Variants in PTPRR observed in about 807,000 individuals in gnomAD.
PTPRR encodes the protein receptor-type tyrosine-protein phosphatase R.
Under a neutral mutation model 77.2 loss-of-function variants are expected in PTPRR, and 38 were observed. That is an observed-to-expected ratio of 0.49 (90% CI 0.38 to 0.65). PTPRR has a LOEUF of 0.65. PTPRR is among the 30% of genes least tolerant of loss of function. The probability of loss-of-function intolerance (pLI) is 0.00; values close to 1 mark genes in which losing one functional copy is unlikely to be tolerated. For synonymous variants in PTPRR, 299 were observed against 283.1 expected, an observed-to-expected ratio of 1.06 and a Z score of -0.57; for missense variants, 744 against 799.2, an observed-to-expected ratio of 0.93 and a Z score of 0.83.
intron 2 of PTPRR, among the ~76,000 whole-genome samples, chr12:70,782,244 G>C (rs183361308): frequency 7.2e-5 from 11 of 152,020 alleles, no homozygotes; most frequent in Non-Finnish European, 1.0e-4. Context: ...AGATGTTGCA[G>C]GTAGGTGAGC....
intron 2 of PTPRR, among the ~76,000 whole-genome samples, chr12:70,875,776 T>C (rs1893041684): frequency 6.6e-6 from 1 of 152,054 alleles, no homozygotes; most frequent in African/African-American, 2.4e-5. Flanking sequence ...CTGTAACCCA[T>C]ATGGCAGACA....
chr12:70,871,333 A>G (rs1892955270), intron 2 of PTPRR, among the ~76,000 whole-genome samples: 1 of 151,950 alleles, frequency 6.6e-6, no homozygotes, highest in Non-Finnish European at 1.5e-5. Flanking sequence ...TCCACAAATC[A>G]CCCTTGCTCC....
chr12:70,804,636 T>C (rs1891677765), intron 2 of PTPRR, among the ~76,000 whole-genome samples: 1 of 152,128 alleles, frequency 6.6e-6, no homozygotes, highest in Non-Finnish European at 1.5e-5. Flanking sequence ...CCAATATCCA[T>C]ATGGCTCAAT....
At chr12:70,714,846 A>G (rs997214712) in intron 6 of PTPRR, among the ~76,000 whole-genome samples, 5 of 151,980 alleles carry the variant, frequency 3.3e-5, no homozygotes, top group Admixed American at 6.6e-5. Context: ...TTCGCTGGGC[A>G]TGGTGGTGTG....
intron 2 of PTPRR, among the ~76,000 whole-genome samples, chr12:70,842,992 A>C (rs1405074752): frequency 6.6e-6 from 1 of 152,246 alleles, no homozygotes; most frequent in Non-Finnish European, 1.5e-5. Flanking sequence ...AGATATCTTA[A>C]GAAGCTTGTT....
intron 2 of PTPRR, among the ~76,000 whole-genome samples, chr12:70,801,133 T>C (rs967339919): frequency 6.6e-6 from 1 of 152,224 alleles, no homozygotes; most frequent in African/African-American, 2.4e-5. Context: ...GTTATGACCC[T>C]GAATCTTCCT....
chr12:70,831,568 T>C (rs1326345594), intron 2 of PTPRR, among the ~76,000 whole-genome samples: 1 of 152,166 alleles, frequency 6.6e-6, no homozygotes, highest in Non-Finnish European at 1.5e-5. Context: ...CTGGCTTCAT[T>C]CTGGGTGAAG....
intron 10 of PTPRR, among the ~76,000 whole-genome samples, chr12:70,666,073 T>A (rs925137845): frequency 6.6e-6 from 1 of 152,160 alleles, no homozygotes; most frequent in Non-Finnish European, 1.5e-5. Context: ...ACCAACATCA[T>A]ATCATTTAGC....
At chr12:70,905,871 T>G (rs144329474) in intron 1 of PTPRR, among the ~76,000 whole-genome samples, 3,745 of 152,060 alleles carry the variant, frequency 0.025, 71 homozygotes, top group Non-Finnish European at 0.04. Context: ...TGTGTAATCA[T>G]TTTTTGAAAA....
intron 6 of PTPRR, among the ~76,000 whole-genome samples, chr12:70,720,148 G>A (rs1889192509): frequency 6.6e-6 from 1 of 152,152 alleles, no homozygotes; most frequent in Admixed American, 6.5e-5. Flanking sequence ...TGGAGAAGGT[G>A]GAAAAAGAAA....
intron 4 of PTPRR, among the ~76,000 whole-genome samples, chr12:70,757,086 C>T (rs1014372203): frequency 1.3e-5 from 2 of 152,126 alleles, no homozygotes; most frequent in Non-Finnish European, 2.9e-5. Flanking sequence ...TGTATGTCTC[C>T]TCAGCACTGT....
At chr12:70,858,239 ACT>A (rs1265761713) in intron 2 of PTPRR, among the ~76,000 whole-genome samples, 4 of 151,294 alleles carry the variant, frequency 2.6e-5, no homozygotes, top group Non-Finnish European at 5.9e-5. Flanking sequence ...TGGTCCAATG[ACT>A]CTTCCCACCT....
intron 6 of PTPRR, among the ~76,000 whole-genome samples, chr12:70,720,816 C>A (rs36107429): frequency 0.066 from 10,089 of 152,084 alleles, 457 homozygotes; most frequent in South Asian, 0.12. Context: ...TACCACTAGG[C>A]CCTAGGATAT....
intron 2 of PTPRR, among the ~76,000 whole-genome samples, chr12:70,878,307 A>G (rs1893088012): frequency 6.6e-6 from 1 of 152,240 alleles, no homozygotes; most frequent in South Asian, 2.1e-4. Context: ...ATCAGAGTGA[A>G]CAGGCAACCT....
intron 2 of PTPRR, among the ~76,000 whole-genome samples, chr12:70,804,299 T>C (rs1891671200): frequency 6.6e-6 from 1 of 152,126 alleles, no homozygotes; most frequent in Non-Finnish European, 1.5e-5. Flanking sequence ...CTCACTCCTG[T>C]GATCCCAGCA....
intron 2 of PTPRR, among the ~76,000 whole-genome samples, chr12:70,874,920 C>CAAAAA (rs34592534): frequency 2.6e-5 from 2 of 76,770 alleles, no homozygotes; most frequent in Non-Finnish European, 2.6e-5. Flanking sequence ...GACTCCATCT[C>CAAAAA]AAAAAAAAAA....
intron 6 of PTPRR, among the ~76,000 whole-genome samples, chr12:70,717,749 C>T (rs1274660581): frequency 2.6e-5 from 4 of 152,102 alleles, no homozygotes; most frequent in African/African-American, 9.7e-5. Context: ...TTCCATGCAT[C>T]CGGGCATTTC....
chr12:70,722,456 G>A (rs12825218), intron 6 of PTPRR, among the ~76,000 whole-genome samples: 2 of 152,052 alleles, frequency 1.3e-5, no homozygotes, highest in Non-Finnish European at 2.9e-5. Flanking sequence ...AAAAGAGTTC[G>A]CAAGGCTAGT....
At chr12:70,872,649 C>T (rs367950327) in intron 2 of PTPRR, among the ~76,000 whole-genome samples, 131 of 136,618 alleles carry the variant, frequency 9.6e-4, no homozygotes, top group African/African-American at 3.1e-3. Context: ...GAGCCAAGAT[C>T]GCACCACTGC....
Sources: allele counts gnomAD v4.1 joint callset (sites outside exome capture counted in the v4.1 genomes callset), GRCh38; gene constraint gnomAD v4.1.1; transcripts MANE v1.5; gene names NCBI Gene and HGNC (gene_info 2026-07-23, HGNC 2026-07-21).